The following DLG2 variants were observed in gnomAD, a reference collection of about 807,000 sequenced individuals.
The protein encoded by DLG2 is disks large homolog 2.
DLG2 carries 45 observed loss-of-function variants against 132.5 expected under a neutral mutation model. That is an observed-to-expected ratio of 0.34 (90% CI 0.27 to 0.44). The LOEUF is 0.44. Ranked by LOEUF, DLG2 falls within the 20% of genes least tolerant of loss-of-function variation. The pLI, the probability that DLG2 is intolerant of heterozygous loss-of-function variation, is 1.00. For synonymous variants in DLG2, 424 were observed against 419.6 expected, an observed-to-expected ratio of 1.01 and a Z score of -0.13; for missense variants, 1,045 against 1,196.9, an observed-to-expected ratio of 0.87 and a Z score of 1.87.
intron 6 of DLG2, among the ~76,000 whole-genome samples, chr11:84,664,159 A>G (rs576956774): frequency 3.9e-4 from 59 of 152,302 alleles, no homozygotes; most frequent in Non-Finnish European, 6.9e-4. Context: ...TTTTTGCTCT[A>G]TGGATAAACT....
chr11:85,035,167 G>C (rs1250387133), intron 6 of DLG2, among the ~76,000 whole-genome samples: 2 of 152,144 alleles, frequency 1.3e-5, no homozygotes, highest in African/African-American at 4.8e-5. Flanking sequence ...AATCTGTCTA[G>C]AATACTTGGC....
At chr11:84,414,909 C>T (rs1245711122) in intron 7 of DLG2, among the ~76,000 whole-genome samples, 2 of 151,968 alleles carry the variant, frequency 1.3e-5, no homozygotes, top group African/African-American at 2.4e-5. Flanking sequence ...AGTGAAAGAC[C>T]TTTTTCAAGA....
intron 18 of DLG2, among the ~76,000 whole-genome samples, chr11:83,636,750 T>C (rs1323950582): frequency 6.6e-6 from 1 of 152,202 alleles, no homozygotes; most frequent in East Asian, 1.9e-4. Context: ...GTATGGCTTA[T>C]TAGATACCCA....
At chr11:84,449,875 C>A (rs1001290888) in intron 7 of DLG2, among the ~76,000 whole-genome samples, 1 of 151,354 alleles carries the variant, frequency 6.6e-6, no homozygotes, top group Non-Finnish European at 1.5e-5. Flanking sequence ...AAAATAAAAA[C>A]AAGTAATTTT....
intron 6 of DLG2, among the ~76,000 whole-genome samples, chr11:84,907,733 A>T (rs2091671547): frequency 6.6e-6 from 1 of 152,156 alleles, no homozygotes; most frequent in East Asian, 1.9e-4. Context: ...ATTCCAAGAA[A>T]ACCTGTCTGC....
chr11:83,850,160 G>GTGTT lies in DLG2; in HGVS notation c.1566-16391_1566-16390insAACA, dbSNP rs1452960432. 3.7e-3 allele frequency among the ~76,000 whole-genome samples: 455 copies of GTGTT among 124,354 alleles called. 2 individuals carry two copies. The highest frequency in any genetic ancestry group is 4.6e-3 in the South Asian group (18 of 3,948). The allele number at this position is 124,354 out of a possible 152,430, so 81.6% of individuals were successfully genotyped here. On this transcript the variant is annotated intron_variant, in intron 16 of 27. Transcript: ENST00000376104. ...TGTGTGTGTGTGTGTGTGTGTGTGTGTTTTTTTACTTGAGACGGAGTCTCA... is the reference window on the plus strand; with the variant it reads ...TGTGTGTGTGTGTGTGTGTGTGTGTGTGTTTTTTTTTACTTGAGACGGAGTCTCA...
intron 17 of DLG2, among the ~76,000 whole-genome samples, chr11:83,825,981 G>A (rs2052642130): frequency 1.3e-5 from 2 of 152,154 alleles, no homozygotes; most frequent in Admixed American, 6.5e-5. Flanking sequence ...GTGAGAGTAG[G>A]GGAAGTATTG....
intron 3 of DLG2, among the ~76,000 whole-genome samples, chr11:85,342,971 T>G (rs1476851627): frequency 6.6e-6 from 1 of 152,212 alleles, no homozygotes; most frequent in Non-Finnish European, 1.5e-5. Context: ...ACTATGACTG[T>G]GTCCTCAGTT....
At chr11:85,604,497 T>C (rs781567796) in intron 2 of DLG2, among the ~76,000 whole-genome samples, 1 of 152,206 alleles carries the variant, frequency 6.6e-6, no homozygotes, top group Non-Finnish European at 1.5e-5. Flanking sequence ...AAAGCTGAGA[T>C]AATTATCCAA....
At chr11:85,594,852 G>C (rs954603241) in intron 3 of DLG2, among the ~76,000 whole-genome samples, 1 of 151,974 alleles carries the variant, frequency 6.6e-6, no homozygotes, top group Admixed American at 6.6e-5. Context: ...CAGATCACAA[G>C]GTCAGGAGTT....
intron 3 of DLG2, among the ~76,000 whole-genome samples, chr11:85,530,057 C>G (rs1257687977): frequency 7.3e-6 from 1 of 136,786 alleles, no homozygotes; most frequent in Non-Finnish European, 1.5e-5. Flanking sequence ...AGTGCAATGG[C>G]ACAATCTCAC....
chr11:84,923,931 C>T (rs1259611836), intron 6 of DLG2, among the ~76,000 whole-genome samples: 1 of 152,046 alleles, frequency 6.6e-6, no homozygotes, highest in African/African-American at 2.4e-5. Flanking sequence ...TTTATTGGTA[C>T]ATGACAATCA....
intron 6 of DLG2, among the ~76,000 whole-genome samples, chr11:84,868,088 T>A (rs1442703156): frequency 6.7e-6 from 1 of 148,284 alleles, no homozygotes; most frequent in Non-Finnish European, 1.5e-5. Context: ...TAATAATAAT[T>A]CTTATTAATA....
At chr11:84,952,870 A>G (rs1443353565) in intron 6 of DLG2, among the ~76,000 whole-genome samples, 2 of 152,182 alleles carry the variant, frequency 1.3e-5, no homozygotes, top group African/African-American at 4.8e-5. Flanking sequence ...TTTACAACCA[A>G]TTCCAAACTT....
In DLG2 at chr11:84,111,142, CTTAG is replaced by C. The variant is rs565004930; in HGVS notation, c.625-12099_625-12096del. 1.4e-4 allele frequency among the ~76,000 whole-genome samples: 22 copies of C among 152,274 alleles called. 1 individual carries two copies. In the South Asian group the frequency reaches 2.7e-3, roughly 19 times the overall value. ...TGAGAATCAATGCAAAATATCGAAA[CTTAG>C]TTATTCATTTTCCATGCCAGGATTG... On this transcript the variant is annotated intron_variant, in intron 9 of 27. Coordinates refer to ENST00000376104, the MANE Select transcript of DLG2 (RefSeq NM_001142699.3).
chr11:84,319,739 G>A (rs2098392848), intron 7 of DLG2, among the ~76,000 whole-genome samples: 1 of 152,136 alleles, frequency 6.6e-6, no homozygotes, highest in African/African-American at 2.4e-5. Flanking sequence ...TAATAACTTA[G>A]CATGTCATTT....
At chr11:84,253,141 T>C (rs1472976875) in intron 7 of DLG2, among the ~76,000 whole-genome samples, 1 of 152,030 alleles carries the variant, frequency 6.6e-6, no homozygotes, top group Non-Finnish European at 1.5e-5. Flanking sequence ...ATAAAGACTC[T>C]GGAGAAAGAC....
chr11:85,295,860 C>A (rs1408924547), intron 3 of DLG2, among the ~76,000 whole-genome samples: 1 of 152,112 alleles, frequency 6.6e-6, no homozygotes, highest in African/African-American at 2.4e-5. Context: ...TCAGCAAAAT[C>A]TCAAACAGAA....
chr11:84,961,014 G>C (rs897813434), intron 6 of DLG2, among the ~76,000 whole-genome samples: 4 of 152,032 alleles, frequency 2.6e-5, no homozygotes, highest in Admixed American at 2.0e-4. Context: ...TGTTTCCCCT[G>C]TTGAGAATCT....
Sources: gnomAD v4.1 joint callset for allele counts (sites outside exome capture counted in the v4.1 genomes callset) on GRCh38, gnomAD v4.1.1 for gene constraint, MANE v1.5 for transcripts, NCBI Gene and HGNC (gene_info 2026-07-23, HGNC 2026-07-21) for gene names.